The following HEYL variants were observed in gnomAD, a reference collection of about 807,000 sequenced individuals.
HEYL encodes the protein hes related family bHLH transcription factor with YRPW motif like, also known as hairy/enhancer-of-split related with YRPW motif-like protein.
Under a neutral mutation model 18.6 loss-of-function variants are expected in HEYL, and 12 were observed. The ratio of observed to expected loss-of-function variants is 0.65; its 90% CI spans 0.41 to 1.05. The LOEUF (loss-of-function observed/expected upper bound fraction) is 1.05. Ranked by LOEUF, HEYL falls within the 50% of genes least tolerant of loss-of-function variation. The pLI is 0.00. For missense variants in HEYL, 420 were observed against 444.7 expected (o/e 0.94, Z 0.50); for synonymous variants, 159 against 179.6 (o/e 0.89, Z 0.91).
chr1:39,632,834 T>G, intron 1 of HEYL, 119 bp from the exon 2 acceptor site: 1 of 1,529,200 alleles, frequency 6.5e-7, no homozygotes, highest in South Asian at 1.3e-5. Flanking sequence ...TGCTCTCCCC[T>G]TCTTCCTGGG....
chr1:39,628,814 G>A (rs1309879409), intron 4 of HEYL, among the ~76,000 whole-genome samples: 2 of 151,736 alleles, frequency 1.3e-5, no homozygotes, highest in Non-Finnish European at 2.9e-5. Flanking sequence ...GTGTTAGCCA[G>A]GATGGTCTCG....
At chr1:39,636,147 G>T (rs955763990) in intron 1 of HEYL, among the ~76,000 whole-genome samples, 1 of 152,132 alleles carries the variant, frequency 6.6e-6, no homozygotes, top group African/African-American at 2.4e-5. Flanking sequence ...GAATCTCAGA[G>T]AGAACTGAGT....
intron 1 of HEYL, among the ~76,000 whole-genome samples, chr1:39,638,954 A>G (rs1018866896): frequency 2.0e-5 from 3 of 152,192 alleles, no homozygotes; most frequent in African/African-American, 7.2e-5. Flanking sequence ...CACTGGCAGT[A>G]TGGGGGCACG....
chr1:39,630,387 G>T, intron 3 of HEYL, 79 bp from the exon 4 acceptor site: 1 of 1,114,990 alleles, frequency 9.0e-7, no homozygotes, highest in South Asian at 1.2e-5. Flanking sequence ...TCACTGTCTC[G>T]ATTTTCTCAC....
chr1:39,625,661 G>A lies in HEYL; in HGVS notation c.*846C>T, dbSNP rs528765186. On this transcript the variant is annotated 3_prime_UTR_variant, in exon 5 of 5. Transcript: ENST00000372852. ...ATGGGGAGGGACCACACGCCTGGAG[G>A]ATGGCGACTGTAAGACGTGGGGGCT... 8.5e-5 allele frequency: 13 copies of A among 152,826 alleles called. No individual in the cohort carries two copies. Among genetic ancestry groups the A allele is most frequent in the Admixed American group, 5.2e-4 (8 of 15,312 alleles). 9.5% of individuals were successfully genotyped at this position (152,826 alleles called of 1,614,324 possible).
intron 4 of HEYL, among the ~76,000 whole-genome samples, chr1:39,628,827 C>T (rs1570439656): frequency 6.6e-6 from 1 of 152,036 alleles, no homozygotes; most frequent in East Asian, 1.9e-4. Flanking sequence ...TGGTCTCGAT[C>T]TCCTGACCTT....
intron 1 of HEYL, among the ~76,000 whole-genome samples, chr1:39,635,364 C>G (rs969751916): frequency 6.6e-6 from 1 of 152,206 alleles, no homozygotes; most frequent in Non-Finnish European, 1.5e-5. Flanking sequence ...CTTGATAAAG[C>G]GTCTTTCCGG....
Position 39,630,300 on chromosome 1 carries a change from G to C in HEYL, c.240C>G (p.Ser80=), listed in dbSNP as rs1646325639. The change falls in exon 4 of 5, where the codon TCC becomes TCG. Residue 80 remains serine (S), a synonymous_variant. Transcript: ENST00000372852. ...VPTAFEKQGS[S]KLEKAEVLQM... ...GCAAGACCTCGGCTTTCTCCAGCTT[G>C]GAAGAGCCCTGCGGGTACAGAAGAC... 6.2e-7 allele frequency: 1 copy of C among 1,613,840 alleles called. No individual in the cohort carries two copies. The highest frequency in any genetic ancestry group is 8.5e-7 in the Non-Finnish European group (1 of 1,179,902).
chr1:39,635,480 A>T (rs1646357694), intron 1 of HEYL, among the ~76,000 whole-genome samples: 1 of 152,182 alleles, frequency 6.6e-6, no homozygotes, highest in Admixed American at 6.5e-5. Context: ...CAGTGCTGCC[A>T]TTCCTTTTTC....
rs1646294463 is a variant in HEYL at position 39,625,983 on chromosome 1, AG to A, written c.*523del. 1 of 151,728 alleles carries A rather than the reference AG, an allele frequency of 6.6e-6. No homozygotes were observed. Among genetic ancestry groups the A allele is most frequent in the South Asian group, 2.1e-4 (1 of 4,814 alleles). The allele number at this position is 151,728 out of a possible 1,614,324, so 9.4% of individuals were successfully genotyped here. A position where few individuals can be genotyped will look rare whatever the true frequency, so the allele number is the denominator to read the frequency against. On this transcript the variant is annotated 3_prime_UTR_variant, in exon 5 of 5. Transcript: ENST00000372852. The stretch of plus-strand genomic sequence containing the variant: ...CAAGGACAGGTGGGAAGGGGCAGAC[AG>A]GGTTCCCAGGAGACCTCTTTGTAGC...
chr1:39,639,533 TC>T lies in HEYL; in HGVS notation c.80+12del. On this transcript the variant is annotated intron_variant, in intron 1 of 4. Coordinates refer to ENST00000372852, the MANE Select transcript of HEYL (RefSeq NM_014571.4). The stretch of plus-strand genomic sequence containing the variant: ...GCCCTCCGCCTGCTCGGTCCCCGCA[TC>T]CCGGCCCTTACCTCAGCTGGCCCTC... The T allele has an allele frequency of 6.3e-7, 1 of 1,575,482 alleles. No individual in the cohort carries two copies.
intron 3 of HEYL, among the ~76,000 whole-genome samples, chr1:39,631,053 C>T (rs974089213): frequency 6.6e-6 from 1 of 152,218 alleles, no homozygotes; most frequent in Non-Finnish European, 1.5e-5. Flanking sequence ...GTAGTTCCCC[C>T]ACCTAACATG....
intron 1 of HEYL, among the ~76,000 whole-genome samples, chr1:39,635,226 G>T (rs1174728873): frequency 6.6e-6 from 1 of 152,226 alleles, no homozygotes; most frequent in Non-Finnish European, 1.5e-5. Flanking sequence ...CAGCAAGCTA[G>T]GTCCAGGGCT....
rs1646287430 is a variant in HEYL at position 39,624,860 on chromosome 1, A to G, written c.*1647T>C. On this transcript the variant is annotated 3_prime_UTR_variant, in exon 5 of 5. Transcript: ENST00000372852. ...CTTGAGGAGTCTGTCTTTTCAAAAG[A>G]GCTTTCTGGGTCACTCAATGATCTC... is the stretch of plus-strand genomic sequence containing the variant. 1 of 152,144 alleles carries G rather than the reference A, an allele frequency of 6.6e-6. No homozygotes were observed. Among genetic ancestry groups the G allele is most frequent in the African/African-American group, 2.4e-5 (1 of 41,422 alleles). 9.4% of individuals were successfully genotyped at this position (152,144 alleles called of 1,614,324 possible). A position where few individuals can be genotyped will look rare whatever the true frequency, so the allele number is the denominator to read the frequency against.
At chr1:39,630,159 T>C in intron 4 of HEYL, 68 bp downstream of exon 4, 2 of 1,392,896 alleles carry the variant, frequency 1.4e-6, no homozygotes, top group Non-Finnish European at 2.0e-6. Context: ...CTCACCAGCA[T>C]ATCCCCAGGG....
intron 2 of HEYL, among the ~76,000 whole-genome samples, chr1:39,631,805 C>T (rs956227772): frequency 1.3e-5 from 2 of 152,180 alleles, no homozygotes; most frequent in Non-Finnish European, 2.9e-5. Context: ...TCTCTTGTCT[C>T]GGTCTATAGG....
intron 1 of HEYL, among the ~76,000 whole-genome samples, chr1:39,634,563 C>T (rs183498194): frequency 8.9e-4 from 136 of 152,264 alleles, no homozygotes; most frequent in African/African-American, 3.0e-3. Flanking sequence ...ATCTTTGGTT[C>T]ACCCATCACC....
rs984634727 is a variant in HEYL at position 39,625,558 on chromosome 1, C to T, written c.*949G>A. On this transcript the variant is annotated 3_prime_UTR_variant, in exon 5 of 5. Coordinates refer to ENST00000372852, the MANE Select transcript of HEYL (RefSeq NM_014571.4). The stretch of plus-strand genomic sequence containing the variant: ...CCGGATGCAAACCAGGCAGCACAGA[C>T]GTCTGGTGCTGAATCCCAAGAGGTT... 6.6e-6 allele frequency: 1 copy of T among 152,344 alleles called. No homozygotes were observed. The highest frequency in any genetic ancestry group is 1.5e-5 in the Non-Finnish European group (1 of 68,112). 9.4% of individuals were successfully genotyped at this position (152,344 alleles called of 1,614,324 possible). A position where few individuals can be genotyped will look rare whatever the true frequency, so the allele number is the denominator to read the frequency against.
rs1223467293 is a variant in HEYL at position 39,626,017 on chromosome 1, C to T, written c.*490G>A. ...AGGAGACCTCTTTGTAGCCCCTGCT[C>T]AGTTACTATCTCCAGGAAGCGAGGC... On this transcript the variant is annotated 3_prime_UTR_variant, in exon 5 of 5. Coordinates refer to ENST00000372852, the MANE Select transcript of HEYL (RefSeq NM_014571.4). The T allele has an allele frequency of 6.5e-6, 1 of 154,258 alleles. No homozygotes were observed. The highest frequency in any genetic ancestry group is 1.4e-5 in the Non-Finnish European group (1 of 69,588). 9.6% of individuals were successfully genotyped at this position (154,258 alleles called of 1,614,324 possible). A position where few individuals can be genotyped will look rare whatever the true frequency, so the allele number is the denominator to read the frequency against.
Sources: gnomAD v4.1 joint callset for allele counts (sites outside exome capture counted in the v4.1 genomes callset) on GRCh38, gnomAD v4.1.1 for gene constraint, MANE v1.5 for transcripts, NCBI Gene and HGNC (gene_info 2026-07-23, HGNC 2026-07-21) for gene names.